MRPL48: variants seen among roughly 807,000 people sequenced by gnomAD.
MRPL48 encodes the protein large ribosomal subunit protein mL48.
MRPL48 carries 16 observed loss-of-function variants against 32.9 expected under a neutral mutation model. The observed-to-expected ratio is 0.49, with a 90% confidence interval of 0.33 to 0.74. MRPL48 has a LOEUF of 0.74. Among genes scored for constraint, MRPL48 ranks in the 30% least tolerant of loss-of-function variants. The pLI is 0.02. For missense variants in MRPL48, 206 were observed against 245.3 expected (o/e 0.84, Z 1.07); for synonymous variants, 94 against 89.2 (o/e 1.05, Z -0.31).
At chr11:73,863,387 C>A in intron 7 of MRPL48, 126 bp downstream of exon 7, 1 of 819,068 alleles carries the variant, frequency 1.2e-6, no homozygotes, top group Non-Finnish European at 1.9e-6. Flanking sequence ...AAATAATAAT[C>A]AGAAAAGTTG....
chr11:73,864,479 A>G lies in MRPL48; in HGVS notation c.*109A>G. 1 of 1,087,860 alleles carries G rather than the reference A, an allele frequency of 9.2e-7. No homozygotes were observed. The highest frequency in any genetic ancestry group is 2.1e-5 in the Admixed American group (1 of 47,882). The allele number at this position is 1,087,860 out of a possible 1,614,324, so 67.4% of individuals were successfully genotyped here. A position where few individuals can be genotyped will look rare whatever the true frequency, so the allele number is the denominator to read the frequency against. ...GACCCAACCCTTAGATTTCATAAGT[A>G]CCCATTCCCATAGCCAGTAATGTCC... On this transcript the variant is annotated 3_prime_UTR_variant, in exon 8 of 8. Transcript: ENST00000310614.
intron 3 of MRPL48, among the ~76,000 whole-genome samples, chr11:73,814,654 C>T (rs1447100090): frequency 6.8e-6 from 1 of 147,264 alleles, no homozygotes; most frequent in Non-Finnish European, 1.5e-5. Flanking sequence ...GGGATTGTGC[C>T]ATTGCACTCA....
chr11:73,848,488 A>ATTTTT (rs56364963), intron 5 of MRPL48, among the ~76,000 whole-genome samples: 1 of 144,946 alleles, frequency 6.9e-6, no homozygotes, highest in African/African-American at 2.5e-5. Flanking sequence ...GTCCGATGGG[A>ATTTTT]TTTTTTTTTT....
chr11:73,841,751 A>G (rs1287560668), intron 4 of MRPL48, among the ~76,000 whole-genome samples: 2 of 152,188 alleles, frequency 1.3e-5, no homozygotes, highest in Non-Finnish European at 2.9e-5. Context: ...GTATTTTTGC[A>G]TATTAATGCA....
chr11:73,850,064 C>T (rs1213245963), intron 5 of MRPL48, among the ~76,000 whole-genome samples: 7 of 152,098 alleles, frequency 4.6e-5, no homozygotes, highest in Admixed American at 2.6e-4. Flanking sequence ...CGTGCCACTG[C>T]ACTCCAGCCT....
intron 3 of MRPL48, among the ~76,000 whole-genome samples, chr11:73,811,961 C>T (rs1394467948): frequency 6.6e-6 from 1 of 152,106 alleles, no homozygotes; most frequent in Non-Finnish European, 1.5e-5. Flanking sequence ...TCTTGGCTCA[C>T]TGCAAGCTCC....
At chr11:73,809,481 G>C (rs918637852) in intron 3 of MRPL48, among the ~76,000 whole-genome samples, 5 of 150,432 alleles carry the variant, frequency 3.3e-5, no homozygotes, top group Non-Finnish European at 7.4e-5. Context: ...TCCAGCCTGG[G>C]CGACAGAGCG....
At chr11:73,840,598 G>A (rs1590985998) in intron 4 of MRPL48, among the ~76,000 whole-genome samples, 1 of 152,068 alleles carries the variant, frequency 6.6e-6, no homozygotes, top group Non-Finnish European at 1.5e-5. Flanking sequence ...CTCCCAGGTT[G>A]AAGCGATTCT....
intron 1 of MRPL48, among the ~76,000 whole-genome samples, chr11:73,790,877 G>GTTCTTTTT (rs1947138184): frequency 8.8e-6 from 1 of 113,310 alleles, no homozygotes; most frequent in African/African-American, 3.3e-5. Flanking sequence ...TGCCTTTTCT[G>GTTCTTTTT]TTCTTTTTTT....
intron 4 of MRPL48, among the ~76,000 whole-genome samples, chr11:73,829,348 TTTTC>T (rs754156102): frequency 2.6e-5 from 4 of 152,192 alleles, no homozygotes; most frequent in East Asian, 1.9e-4. Context: ...ACTAAGTTAC[TTTTC>T]TTTCTTTCTT....
At chr11:73,807,700 C>T (rs897761427) in intron 2 of MRPL48, among the ~76,000 whole-genome samples, 4 of 144,856 alleles carry the variant, frequency 2.8e-5, no homozygotes, top group Middle Eastern at 3.7e-3. Context: ...TGCAGTGGCA[C>T]GATCTTGGCT....
chr11:73,846,678 T>C (rs1218206217), intron 5 of MRPL48, among the ~76,000 whole-genome samples: 1 of 147,940 alleles, frequency 6.8e-6, no homozygotes, highest in Non-Finnish European at 1.5e-5. Flanking sequence ...TTTTTTTTTT[T>C]CTTTTAGAGA....
intron 5 of MRPL48, among the ~76,000 whole-genome samples, chr11:73,851,998 T>C (rs866703173): frequency 6.6e-6 from 1 of 151,934 alleles, no homozygotes; most frequent in South Asian, 2.1e-4. Context: ...AATTATAACA[T>C]AATGTGAAAG....
intron 5 of MRPL48, among the ~76,000 whole-genome samples, chr11:73,845,663 G>A (rs1021246110): frequency 1.1e-4 from 17 of 152,164 alleles, no homozygotes; most frequent in African/African-American, 3.6e-4. Context: ...CCACCTACTC[G>A]GGAGGGTGAG....
chr11:73,787,960 C>A lies in MRPL48; in HGVS notation c.-12C>A. The A allele has an allele frequency of 6.2e-7, 1 of 1,612,444 alleles. No individual in the cohort carries two copies. The highest frequency in any genetic ancestry group is 8.5e-7 in the Non-Finnish European group (1 of 1,179,272). ...TCGGTTTGCACAGCTAGAGGCCGCG[C>A]AGCAGCAAAGGATGAGCGGAACCTT... On this transcript the variant is annotated 5_prime_UTR_variant, in exon 1 of 8. Transcript: ENST00000310614.
intron 5 of MRPL48, among the ~76,000 whole-genome samples, chr11:73,849,548 A>T (rs541048081): frequency 7.2e-5 from 11 of 152,292 alleles, no homozygotes; most frequent in African/African-American, 2.6e-4. Context: ...AGCATACTGT[A>T]TTTGAGATTC....
intron 5 of MRPL48, among the ~76,000 whole-genome samples, chr11:73,846,693 G>T (rs1376108060): frequency 6.7e-6 from 1 of 149,140 alleles, no homozygotes; most frequent in African/African-American, 2.5e-5. Context: ...TAGAGACATG[G>T]TCTCTCTCTC....
At chr11:73,838,077 C>T (rs941511375) in intron 4 of MRPL48, among the ~76,000 whole-genome samples, 1 of 152,138 alleles carries the variant, frequency 6.6e-6, no homozygotes, top group Non-Finnish European at 1.5e-5. Context: ...TGGTCTTGAA[C>T]TCCTGACCTC....
In MRPL48 at chr11:73,799,762, G is replaced by A. The variant is rs369515625; in HGVS notation, c.22-5265G>A. 3.9e-5 allele frequency among the ~76,000 whole-genome samples: 6 copies of A among 152,204 alleles called. No individual in the cohort carries two copies. In the East Asian group the frequency reaches 9.6e-4, roughly 24 times the overall value. The stretch of plus-strand genomic sequence containing the variant: ...GTATCCATTTAACAAAATGGCACTT[G>A]TACTCCCTAAATCTATATAAAAGAA... On this transcript the variant is annotated intron_variant, in intron 1 of 7. Coordinates refer to ENST00000310614, the MANE Select transcript of MRPL48 (RefSeq NM_016055.6).
Sources: gnomAD v4.1 joint callset for allele counts (sites outside exome capture counted in the v4.1 genomes callset) on GRCh38, gnomAD v4.1.1 for gene constraint, MANE v1.5 for transcripts, NCBI Gene and HGNC (gene_info 2026-07-23, HGNC 2026-07-21) for gene names.